The following MECOM variants were observed in gnomAD, a reference collection of about 807,000 sequenced individuals.
MECOM encodes MDS1 and EVI1 complex locus, also known as histone-lysine N-methyltransferase MECOM.
Under a neutral mutation model 116.3 loss-of-function variants are expected in MECOM, and 13 were observed. That is an observed-to-expected ratio of 0.11 (90% CI 0.07 to 0.18). The LOEUF (loss-of-function observed/expected upper bound fraction) is 0.18, where lower values mean the gene tolerates loss of function less well. Ranked by LOEUF, MECOM falls within the 10% of genes least tolerant of loss-of-function variation. MECOM has a pLI of 1.00. For missense variants in MECOM, 1,299 were observed against 1,509.0 expected (o/e 0.86, Z 2.31); for synonymous variants, 528 against 535.2 (o/e 0.99, Z 0.19).
intron 2 of MECOM, among the ~76,000 whole-genome samples, chr3:169,235,847 C>T (rs944204133): frequency 2.4e-4 from 36 of 150,342 alleles, no homozygotes; most frequent in African/African-American, 8.8e-4. Flanking sequence ...AATCATAGGT[C>T]CTGGAATCAA....
At chr3:169,146,496 C>G (rs1739971041) in intron 2 of MECOM, 1 of 1,381,280 alleles carries the variant, frequency 7.2e-7, no homozygotes, top group Non-Finnish European at 9.6e-7. Flanking sequence ...GACGACCCAC[C>G]CCGGAGACGT....
intron 2 of MECOM, among the ~76,000 whole-genome samples, chr3:169,363,871 T>C (rs1728734554): frequency 6.6e-6 from 1 of 151,944 alleles, no homozygotes; most frequent in African/African-American, 2.4e-5. Flanking sequence ...TAATTCATCT[T>C]CAACTTACAC....
At chr3:169,421,828 G>A (rs1441274641) in intron 1 of MECOM, among the ~76,000 whole-genome samples, 1 of 152,066 alleles carries the variant, frequency 6.6e-6, no homozygotes, top group African/African-American at 2.4e-5. Flanking sequence ...TAAGAGGTGA[G>A]AGCCTGAAGA....
At chr3:169,381,567 A>G (rs767772394) in intron 1 of MECOM, 43 bp from the exon 2 acceptor site, 2 of 1,456,424 alleles carry the variant, frequency 1.4e-6, no homozygotes, top group South Asian at 1.4e-5. Flanking sequence ...CTGATATTGA[A>G]GAGACAAAAT....
intron 1 of MECOM, among the ~76,000 whole-genome samples, chr3:169,430,389 T>C (rs1741418881): frequency 1.3e-5 from 2 of 152,152 alleles, no homozygotes; most frequent in Non-Finnish European, 1.5e-5. Flanking sequence ...ACTACATTAA[T>C]AAACATTTAT....
At chr3:169,529,098 G>T (rs1408296252) in intron 1 of MECOM, among the ~76,000 whole-genome samples, 1 of 142,424 alleles carries the variant, frequency 7.0e-6, no homozygotes, top group African/African-American at 2.5e-5. Context: ...TAAAAATAAG[G>T]CCTTTAAAAA....
chr3:169,209,427 A>C (rs1014170734), intron 2 of MECOM, among the ~76,000 whole-genome samples: 1 of 152,158 alleles, frequency 6.6e-6, no homozygotes, highest in African/African-American at 2.4e-5. Flanking sequence ...CAACCTACAG[A>C]ATGGGAGAAA....
At chr3:169,599,781 T>A (rs1016194021) in intron 1 of MECOM, among the ~76,000 whole-genome samples, 5 of 152,096 alleles carry the variant, frequency 3.3e-5, no homozygotes, top group Non-Finnish European at 5.9e-5. Flanking sequence ...CACCACAACA[T>A]GATAAATATG....
At chr3:169,297,937 C>T (rs566323730) in intron 2 of MECOM, among the ~76,000 whole-genome samples, 22 of 152,166 alleles carry the variant, frequency 1.4e-4, no homozygotes, top group Non-Finnish European at 2.5e-4. Flanking sequence ...CCTAACATGA[C>T]AAAAGGAGAA....
At chr3:169,124,033 C>T (rs546498157) in intron 5 of MECOM, among the ~76,000 whole-genome samples, 58 of 152,058 alleles carry the variant, frequency 3.8e-4, no homozygotes, top group South Asian at 8.3e-4. Context: ...GTTCTCTACG[C>T]GAAATTAATC....
intron 2 of MECOM, among the ~76,000 whole-genome samples, chr3:169,216,579 A>AAAAG (rs2149487086): frequency 8.5e-6 from 1 of 117,522 alleles, no homozygotes; most frequent in African/African-American, 3.7e-5. Flanking sequence ...TTCTCTAGTA[A>AAAAG]AAAAAAAAAA....
At chr3:169,657,902 G>C (rs996912981) in intron 1 of MECOM, among the ~76,000 whole-genome samples, 5 of 152,214 alleles carry the variant, frequency 3.3e-5, no homozygotes, top group African/African-American at 1.2e-4. Flanking sequence ...AGGGGCTGGG[G>C]AGGATAATAC....
intron 2 of MECOM, among the ~76,000 whole-genome samples, chr3:169,156,699 C>A (rs1305353239): frequency 5.3e-5 from 8 of 152,164 alleles, no homozygotes; most frequent in Admixed American, 1.3e-4. Flanking sequence ...TTCCTATCCT[C>A]CTCCATTAAA....
chr3:169,346,658 G>A (rs545609354), intron 2 of MECOM, among the ~76,000 whole-genome samples: 1 of 151,920 alleles, frequency 6.6e-6, no homozygotes, highest in African/African-American at 2.4e-5. Flanking sequence ...AATTACACAT[G>A]ATCCTTAACT....
intron 2 of MECOM, among the ~76,000 whole-genome samples, chr3:169,282,929 G>A (rs1712419857): frequency 6.6e-6 from 1 of 151,494 alleles, no homozygotes; most frequent in African/African-American, 2.4e-5. Flanking sequence ...ACTGGCATAT[G>A]GCCACCCACT....
Position 169,263,108 on chromosome 3 carries a change from TATATATATATATATATATATG to T in MECOM, c.375+118058_375+118078del, listed in dbSNP as rs1214821994. Reference sequence around the variant, plus strand: ...ATATATATATATATATATATATATATATATATATATATATATATATGTTTTTTTTTTTTTTTTTGAGACAGA... The same window carrying T: ...ATATATATATATATATATATATATATTTTTTTTTTTTTTTTTTGAGACAGA... On this transcript the variant is annotated intron_variant, in intron 2 of 16. Transcript: ENST00000651503. Among the ~76,000 whole-genome samples the T allele has an allele frequency of 2.9e-3, 282 of 98,730 alleles. 3 individuals carry two copies. The highest frequency in any genetic ancestry group is 7.6e-3 in the African/African-American group (145 of 19,112). 64.8% of individuals were successfully genotyped at this position (98,730 alleles called of 152,430 possible).
At chr3:169,121,345 C>T in intron 6 of MECOM, 136 bp from the exon 7 acceptor site, 1 of 860,966 alleles carries the variant, frequency 1.2e-6, no homozygotes, top group Non-Finnish European at 1.7e-6. Flanking sequence ...GTGTACTCTC[C>T]TCTAATTTCC....
At chr3:169,209,497 A>T (rs1228828943) in intron 2 of MECOM, among the ~76,000 whole-genome samples, 2 of 151,082 alleles carry the variant, frequency 1.3e-5, no homozygotes, top group Admixed American at 1.3e-4. Flanking sequence ...AGGAACTTAA[A>T]CAAATTTACG....
intron 1 of MECOM, among the ~76,000 whole-genome samples, chr3:169,650,604 C>G (rs919935282): frequency 2.6e-5 from 4 of 151,946 alleles, no homozygotes; most frequent in African/African-American, 9.7e-5. Context: ...AAAGATATAC[C>G]TTAGCTCTGG....
Sources: allele counts gnomAD v4.1 joint callset (sites outside exome capture counted in the v4.1 genomes callset), GRCh38; gene constraint gnomAD v4.1.1; transcripts MANE v1.5; gene names NCBI Gene and HGNC (gene_info 2026-07-23, HGNC 2026-07-21).